The following TGM7 variants were observed in gnomAD, a reference collection of about 807,000 sequenced individuals.
TGM7 encodes transglutaminase 7.
In TGM7, 74 loss-of-function variants were observed where a neutral mutation model predicts 79.5. That is an observed-to-expected ratio of 0.93 (90% confidence interval 0.77 to 1.13). The LOEUF (loss-of-function observed/expected upper bound fraction) is 1.13. Among genes scored for constraint, TGM7 ranks in the 50% most tolerant of loss-of-function variants. The probability of loss-of-function intolerance (pLI) is 0.00; values close to 1 mark genes in which losing one functional copy is unlikely to be tolerated. For synonymous variants in TGM7, 354 were observed against 362.5 expected, an observed-to-expected ratio of 0.98 and a Z score of 0.27; for missense variants, 912 against 905.9, an observed-to-expected ratio of 1.01 and a Z score of -0.09.
At chr15:43,297,746 C>T (rs185256058) in intron 1 of TGM7, among the ~76,000 whole-genome samples, 20 of 152,222 alleles carry the variant, frequency 1.3e-4, no homozygotes, top group East Asian at 5.8e-4. Context: ...CCCTCACTCA[C>T]GCCTCCATCT....
In TGM7 at chr15:43,293,623, A is replaced by G. The variant is rs1431814646; in HGVS notation, c.19T>C (p.Leu7=). The G allele has an allele frequency of 1.2e-6, 2 of 1,604,042 alleles. No homozygotes were observed. The highest frequency in any genetic ancestry group is 2.2e-5 in the South Asian group (2 of 90,578). ...TGCAGGTCGACAGACTCAAGCCGCA[A>G]GGTTGCCACTAGGGGAGAGGAGGGG... MDQVAT[L]RLESVDLQSS... Residue 7 remains leucine (L), a synonymous_variant, in exon 2 of 13, where the codon TTG becomes CTG. Coordinates refer to ENST00000452443, the MANE Select transcript of TGM7 (RefSeq NM_052955.3).
At chr15:43,295,034 T>C (rs1003538913) in intron 1 of TGM7, among the ~76,000 whole-genome samples, 1 of 152,190 alleles carries the variant, frequency 6.6e-6, no homozygotes, top group African/African-American at 2.4e-5. Context: ...CACAAGTATG[T>C]TGGACCACAG....
chr15:43,294,999 T>C (rs1156411848), intron 1 of TGM7, among the ~76,000 whole-genome samples: 1 of 152,034 alleles, frequency 6.6e-6, no homozygotes, highest in Non-Finnish European at 1.5e-5. Flanking sequence ...CATTCTGGGC[T>C]CAAGTGATCC....
At chr15:43,293,109 C>T (rs2042972334) in intron 2 of TGM7, among the ~76,000 whole-genome samples, 155 bp from the exon 3 acceptor site, 1 of 152,134 alleles carries the variant, frequency 6.6e-6, no homozygotes, top group African/African-American at 2.4e-5. Context: ...CATTTAAGAC[C>T]CCCAGGCCTC....
At chr15:43,300,018 T>A (rs1162555003) in intron 1 of TGM7, among the ~76,000 whole-genome samples, 2 of 152,300 alleles carry the variant, frequency 1.3e-5, no homozygotes, top group South Asian at 2.1e-4. Flanking sequence ...ATAAATAAAC[T>A]GCTTCACTTG....
chr15:43,279,270 CTG>C lies in TGM7; in HGVS notation c.1684_1685del (p.Gln562ValfsTer29). On this transcript the variant is annotated frameshift_variant, in exon 11 of 13. Transcript: ENST00000452443. LOFTEE classifies it high-confidence loss of function. Reference protein sequence around the residue: ...RMNLDFGKETQWPLLLPYSNY... With the variant: ...RMNLDFGKETXWPLLLPYSNY... ...TGCTGTAGGGCAGGAGGAGCGGCCA[CTG>C]TGTCTCTAAGCACATACAAAAGACA... is the stretch of plus-strand genomic sequence containing the variant. 6.2e-7 allele frequency: 1 copy of C among 1,614,022 alleles called. No individual in the cohort carries two copies. Among genetic ancestry groups the C allele is most frequent in the Non-Finnish European group, 8.5e-7 (1 of 1,179,916 alleles).
Position 43,280,669 on chromosome 15 carries a change from A to C in TGM7, c.1352-718T>G, listed in dbSNP as rs1012700039. Among the ~76,000 whole-genome samples, 5 of 152,278 alleles carry C rather than the reference A, an allele frequency of 3.3e-5. 1 individual carries two copies. In the South Asian group the frequency reaches 6.2e-4, roughly 19 times the overall value. ...CATCTCTTGCCCATGGGGGCTACTT[A>C]ACATGGAGGCTTAATGTGGCTGGCT... is the stretch of plus-strand genomic sequence containing the variant. On this transcript the variant is annotated intron_variant, in intron 9 of 12. Transcript: ENST00000452443.
intron 4 of TGM7, among the ~76,000 whole-genome samples, chr15:43,289,615 T>G (rs1435765488): frequency 6.6e-6 from 1 of 152,078 alleles, no homozygotes; most frequent in Non-Finnish European, 1.5e-5. Flanking sequence ...TATTTCTAGT[T>G]CTAAATCCCT....
intron 3 of TGM7, 104 bp downstream of exon 3, chr15:43,292,605 T>C (rs2042968923): frequency 1.4e-6 from 2 of 1,422,828 alleles, no homozygotes; most frequent in Admixed American, 2.0e-5. Flanking sequence ...CGCTACTACA[T>C]TGCATAGCTA....
chr15:43,289,417 T>C (rs1188341481), intron 4 of TGM7, among the ~76,000 whole-genome samples: 1 of 152,220 alleles, frequency 6.6e-6, no homozygotes, highest in East Asian at 1.9e-4. Context: ...GGCTGCATAG[T>C]ATTCCATGGT....
intron 4 of TGM7, among the ~76,000 whole-genome samples, chr15:43,290,520 T>C (rs1470544148): frequency 3.3e-5 from 5 of 152,228 alleles, no homozygotes; most frequent in Non-Finnish European, 7.3e-5. Context: ...CTTTGTTCTT[T>C]TGGCTTAGGA....
At chr15:43,282,692 G>A in intron 7 of TGM7, 72 bp from the exon 8 acceptor site, 1 of 1,137,998 alleles carries the variant, frequency 8.8e-7, no homozygotes, top group Non-Finnish European at 1.3e-6. Flanking sequence ...ACTATACGGA[G>A]TGATTTATAT....
chr15:43,297,692 T>C (rs1329572771), intron 1 of TGM7, among the ~76,000 whole-genome samples: 2 of 152,182 alleles, frequency 1.3e-5, no homozygotes, highest in Non-Finnish European at 2.9e-5. Flanking sequence ...AGCTCCGCGA[T>C]GCAAAGCTCC....
chr15:43,279,224 C>T lies in TGM7; in HGVS notation c.1732G>A (p.Asp578Asn), dbSNP rs2042893413. ...PYSNYRNKLT[D>N]EKLIRVSGIA... Reference sequence around the variant, plus strand: ...CCAGACACGCGGATGAGCTTTTCGTCCGTTAGCTTGTTTCTGTAATTGCTG... The same window carrying T: ...CCAGACACGCGGATGAGCTTTTCGTTCGTTAGCTTGTTTCTGTAATTGCTG... The change falls in exon 11 of 13, where the codon GAC (aspartate) becomes AAC (asparagine). Residue 578 changes from aspartate (D) to asparagine (N), a missense_variant. Physicochemically the swap from Asp to Asn is conservative, Grantham distance 23. Coordinates refer to ENST00000452443, the MANE Select transcript of TGM7 (RefSeq NM_052955.3). The T allele has an allele frequency of 1.2e-6, 2 of 1,614,132 alleles. No homozygotes were observed. Among genetic ancestry groups the T allele is most frequent in the Non-Finnish European group, 1.7e-6 (2 of 1,180,018 alleles).
intron 6 of TGM7, among the ~76,000 whole-genome samples, chr15:43,286,833 G>C (rs894847833): frequency 5.3e-5 from 8 of 152,240 alleles, no homozygotes; most frequent in Non-Finnish European, 1.2e-4. Context: ...AAGGTGGCAA[G>C]TCTATAATGA....
chr15:43,287,891 T>A (rs1182491234), intron 4 of TGM7, among the ~76,000 whole-genome samples: 1 of 152,010 alleles, frequency 6.6e-6, no homozygotes, highest in East Asian at 1.9e-4. Flanking sequence ...GTGGTTCTGA[T>A]GAAAAATGGA....
At chr15:43,299,256 A>G (rs1420398063) in intron 1 of TGM7, among the ~76,000 whole-genome samples, 1 of 152,144 alleles carries the variant, frequency 6.6e-6, no homozygotes, top group African/African-American at 2.4e-5. Flanking sequence ...CTTTAGGATT[A>G]ATTCGACTGT....
intron 1 of TGM7, among the ~76,000 whole-genome samples, chr15:43,294,533 C>T (rs2042983129): frequency 1.3e-5 from 2 of 152,210 alleles, no homozygotes; most frequent in Admixed American, 1.3e-4. Context: ...AGGACCTTGG[C>T]GTTGTGCCAG....
Position 43,282,500 on chromosome 15 carries a change from C to T in TGM7, c.1108+17G>A, listed in dbSNP as rs546276224. The T allele has an allele frequency of 5.1e-6, 8 of 1,568,116 alleles. No homozygotes were observed. Among genetic ancestry groups the T allele is most frequent in the Non-Finnish European group, 6.9e-6 (8 of 1,154,592 alleles). The stretch of plus-strand genomic sequence containing the variant: ...CTCCCCACAGAGCCAGAGCCTGTTG[C>T]AATGGTCCTCACTCACCACTGCTGG... On this transcript the variant is annotated intron_variant, in intron 8 of 12. Transcript: ENST00000452443.
Sources: allele counts gnomAD v4.1 joint callset (sites outside exome capture counted in the v4.1 genomes callset), GRCh38; gene constraint gnomAD v4.1.1; transcripts MANE v1.5; gene names NCBI Gene and HGNC (gene_info 2026-07-23, HGNC 2026-07-21).